Variants in DISC1 observed in about 807,000 individuals in gnomAD.
DISC1 encodes disrupted in schizophrenia 1 protein.
A neutral mutation model predicts 84.5 loss-of-function variants in DISC1; 57 were observed. The observed-to-expected ratio is 0.67, with a 90% CI of 0.55 to 0.84. The LOEUF (loss-of-function observed/expected upper bound fraction) is 0.84, where lower values mean the gene tolerates loss of function less well. DISC1 is among the 40% of genes least tolerant of loss of function. The pLI, the probability that DISC1 is intolerant of heterozygous loss-of-function variation, is 0.00. For synonymous variants in DISC1, 411 were observed against 415.2 expected, an observed-to-expected ratio of 0.99 and a Z score of 0.12; for missense variants, 1,000 against 1,057.8, an observed-to-expected ratio of 0.95 and a Z score of 0.76.
rs528942679 is a variant in DISC1, at chr1:231,846,706, G to A, written c.1981+28189G>A. Among the ~76,000 whole-genome samples the A allele has an allele frequency of 5.3e-5, 8 of 152,272 alleles. No homozygotes were observed. The East Asian group carries it at 1.2e-3, about 22-fold the overall frequency. On this transcript the variant is annotated intron_variant, in intron 9 of 12. Transcript: ENST00000439617. ...AAGGCAACATAGTAACTAAAGTGGC[G>A]GAGGCTTTTAACTGAAACCAGAAGA...
chr1:231,794,140 C>T lies in DISC1; in HGVS notation c.1635-1102C>T, dbSNP rs2078567584. ...TACAGATAGGCCCCACCCCATCCTT[C>T]TCTCTCTTTTCCTACCAGAAATAGT... On this transcript the variant is annotated intron_variant, in intron 6 of 12. Coordinates refer to ENST00000439617, the MANE Select transcript of DISC1 (RefSeq NM_018662.3). Among the ~76,000 whole-genome samples the T allele has an allele frequency of 2.0e-5, 3 of 152,192 alleles. No homozygotes were observed. The South Asian group carries it at 6.2e-4, about 31-fold the overall frequency.
At chr1:231,695,610 GGTGTGCCTGT>G (rs2065567845) in intron 2 of DISC1, among the ~76,000 whole-genome samples, 1 of 142,588 alleles carries the variant, frequency 7.0e-6, no homozygotes, top group South Asian at 2.2e-4. Context: ...TGTGCATGTA[GGTGTGCCTGT>G]GTGTGCGTGT....
At chr1:231,690,507 G>A (rs12040259) in intron 1 of DISC1, among the ~76,000 whole-genome samples, 58,587 of 151,950 alleles carry the variant, frequency 0.39, 11,855 homozygotes, top group African/African-American at 0.51. Context: ...ACCTCCTTCC[G>A]GAGCTGATTG....
intron 9 of DISC1, among the ~76,000 whole-genome samples, chr1:231,937,312 C>T (rs557730779): frequency 3.3e-4 from 50 of 152,324 alleles, no homozygotes; most frequent in African/African-American, 1.1e-3. Flanking sequence ...ATTCCGGTGT[C>T]AAGCCTAATG....
intron 3 of DISC1, among the ~76,000 whole-genome samples, chr1:231,731,003 A>C (rs143463416): frequency 9.0e-4 from 137 of 152,270 alleles, no homozygotes; most frequent in African/African-American, 3.2e-3. Flanking sequence ...AAAAAATCAC[A>C]GTTTTTTGTG....
intron 6 of DISC1, among the ~76,000 whole-genome samples, chr1:231,789,048 TA>T (rs1310861488): frequency 3.9e-5 from 6 of 152,184 alleles, no homozygotes; most frequent in Non-Finnish European, 7.3e-5. Flanking sequence ...AAGGCAGAAA[TA>T]AATAACAAAC....
chr1:231,741,532 T>G (rs931729035), intron 3 of DISC1, among the ~76,000 whole-genome samples: 1 of 152,194 alleles, frequency 6.6e-6, no homozygotes, highest in Non-Finnish European at 1.5e-5. Flanking sequence ...TGACCAACAC[T>G]GTGTCATGGC....
chr1:231,753,987 T>C (rs2074881426), intron 4 of DISC1, among the ~76,000 whole-genome samples: 1 of 152,208 alleles, frequency 6.6e-6, no homozygotes, highest in Non-Finnish European at 1.5e-5. Flanking sequence ...AATAAGTTTC[T>C]CATTTCCATC....
intron 4 of DISC1, chr1:231,750,283 C>G (rs958194060): frequency 2.7e-5 from 37 of 1,375,934 alleles, no homozygotes; most frequent in Non-Finnish European, 3.4e-5. Flanking sequence ...GAAGACTTTT[C>G]TGCCACTTGA....
chr1:231,773,009 G>T (rs12046794), intron 6 of DISC1, among the ~76,000 whole-genome samples: 2 of 152,076 alleles, frequency 1.3e-5, no homozygotes, highest in African/African-American at 4.8e-5. Context: ...TTCAGCTATT[G>T]CCTTGGTGTG....
In DISC1 at chr1:231,926,741, C is replaced by A. The variant is rs115542045; in HGVS notation, c.1982-32087C>A. Among the ~76,000 whole-genome samples the A allele has an allele frequency of 3.3e-3, 504 of 152,280 alleles. 3 individuals carry two copies. Among genetic ancestry groups the A allele is most frequent in the African/African-American group, 0.011 (475 of 41,558 alleles). Reference sequence around the variant, plus strand: ...CTCAGGGAACAAAAGAGAAGGGAAGCTCCTTGAATTTAAAGGCAAGGGCAG... The same window carrying A: ...CTCAGGGAACAAAAGAGAAGGGAAGATCCTTGAATTTAAAGGCAAGGGCAG... On this transcript the variant is annotated intron_variant, in intron 9 of 12. Coordinates refer to ENST00000439617, the MANE Select transcript of DISC1 (RefSeq NM_018662.3).
At chr1:232,001,013 T>C (rs1400899647) in intron 10 of DISC1, among the ~76,000 whole-genome samples, 1 of 152,204 alleles carries the variant, frequency 6.6e-6, no homozygotes, top group Non-Finnish European at 1.5e-5. Context: ...CTCATGTGTT[T>C]TATGTATTGT....
intron 8 of DISC1, among the ~76,000 whole-genome samples, chr1:231,811,340 C>T (rs1022358739): frequency 3.3e-5 from 5 of 152,126 alleles, no homozygotes; most frequent in Admixed American, 6.6e-5. Flanking sequence ...TTCAGCCAGC[C>T]CAGGCTCACA....
At chr1:231,923,434 C>T (rs1050793912) in intron 9 of DISC1, among the ~76,000 whole-genome samples, 1 of 152,144 alleles carries the variant, frequency 6.6e-6, no homozygotes, top group African/African-American at 2.4e-5. Flanking sequence ...TCCAGCTTAC[C>T]CATTTACCAG....
intron 10 of DISC1, among the ~76,000 whole-genome samples, chr1:232,004,528 A>G (rs1667094642): frequency 6.6e-6 from 1 of 152,200 alleles, no homozygotes; most frequent in African/African-American, 2.4e-5. Context: ...GAAAACTTGA[A>G]TAGAATGTAA....
intron 9 of DISC1, among the ~76,000 whole-genome samples, chr1:231,905,844 G>A (rs534542866): frequency 6.6e-6 from 1 of 151,932 alleles, no homozygotes; most frequent in African/African-American, 2.4e-5. Context: ...GTTATATTGT[G>A]GTTATTTAGG....
At chr1:231,940,695 C>T (rs1030147113) in intron 9 of DISC1, among the ~76,000 whole-genome samples, 4 of 152,306 alleles carry the variant, frequency 2.6e-5, no homozygotes, top group Middle Eastern at 3.4e-3. Flanking sequence ...AAAGAAGACA[C>T]TCATTGTAAG....
chr1:231,652,514 G>C (rs991788313), intron 1 of DISC1, among the ~76,000 whole-genome samples: 1 of 152,050 alleles, frequency 6.6e-6, no homozygotes, highest in Admixed American at 6.6e-5. Flanking sequence ...AACATAGCTT[G>C]TTGTTTTTAT....
At position 231,826,030 on chromosome 1, in the gene DISC1, C is replaced by G. The variant is rs1015400894; in HGVS notation, c.1981+7513C>G. Among the ~76,000 whole-genome samples, 3 of 152,216 alleles carry G rather than the reference C, an allele frequency of 2.0e-5. No individual in the cohort carries two copies. Among genetic ancestry groups the G allele is most frequent in the African/African-American group, 7.2e-5 (3 of 41,464 alleles). On this transcript the variant is annotated intron_variant, in intron 9 of 12. Transcript: ENST00000439617. This position sits in a 1 kb window ranked among gnomAD's most constrained non-coding sequence, Gnocchi z 4.2. Reference sequence around the variant, plus strand: ...ATGATCCCTTGTACGAAGTCACCCTCTTTTTAGTAACAAAGACTTATCTCT... The same window carrying G: ...ATGATCCCTTGTACGAAGTCACCCTGTTTTTAGTAACAAAGACTTATCTCT...
Sources: gnomAD v4.1 joint callset for allele counts (sites outside exome capture counted in the v4.1 genomes callset) on GRCh38, gnomAD v4.1.1 for gene constraint, Gnocchi (gnomAD v3.1) non-coding constraint, MANE v1.5 for transcripts, NCBI Gene and HGNC (gene_info 2026-07-23, HGNC 2026-07-21) for gene names.